The following SYN3 variants were observed in gnomAD, a reference collection of about 807,000 sequenced individuals.
The protein encoded by SYN3 is synapsin III.
A neutral mutation model predicts 65.8 loss-of-function variants in SYN3; 35 were observed. The observed-to-expected ratio is 0.53, with a 90% CI of 0.41 to 0.70. The LOEUF (loss-of-function observed/expected upper bound fraction) is 0.70. Ranked by LOEUF, SYN3 falls within the 30% of genes least tolerant of loss-of-function variation. SYN3 has a pLI of 0.00. For synonymous variants in SYN3, 270 were observed against 292.9 expected (o/e 0.92, Z 0.80); for missense variants, 680 against 749.0 (o/e 0.91, Z 1.08).
At chr22:33,029,987 T>G (rs1313371448) in intron 1 of SYN3, among the ~76,000 whole-genome samples, 3 of 152,174 alleles carry the variant, frequency 2.0e-5, no homozygotes, top group Non-Finnish European at 4.4e-5. Flanking sequence ...TTCAGTTGGC[T>G]GTTTTTGACT....
chr22:32,709,412 C>T (rs1042085637), intron 6 of SYN3, among the ~76,000 whole-genome samples: 1 of 152,132 alleles, frequency 6.6e-6, no homozygotes, highest in African/African-American at 2.4e-5. Context: ...TTAAACAAAA[C>T]CAAACCCAAG....
At chr22:33,027,293 A>C (rs1272940980) in intron 1 of SYN3, among the ~76,000 whole-genome samples, 1 of 152,036 alleles carries the variant, frequency 6.6e-6, no homozygotes, top group African/African-American at 2.4e-5. Context: ...ATTTCCTTTA[A>C]ACAAACAAAA....
chr22:32,780,225 G>C (rs2046006278), intron 6 of SYN3, among the ~76,000 whole-genome samples: 1 of 152,118 alleles, frequency 6.6e-6, no homozygotes, highest in Non-Finnish European at 1.5e-5. Flanking sequence ...CGCCATGTCT[G>C]GTCTGTGCTT....
intron 6 of SYN3, among the ~76,000 whole-genome samples, chr22:32,643,432 T>C (rs182372060): frequency 6.6e-6 from 1 of 151,850 alleles, no homozygotes; most frequent in East Asian, 2.0e-4. Context: ...ACACTTTGCG[T>C]TGCCACCTAA....
intron 6 of SYN3, among the ~76,000 whole-genome samples, chr22:32,810,077 C>A (rs1487667178): frequency 6.6e-6 from 1 of 152,172 alleles, no homozygotes; most frequent in African/African-American, 2.4e-5. Context: ...TGTCTGGCAT[C>A]CAGGGGTACA....
intron 1 of SYN3, among the ~76,000 whole-genome samples, chr22:33,052,384 G>GT (rs376574298): frequency 1.4e-5 from 2 of 147,514 alleles, no homozygotes; most frequent in African/African-American, 5.4e-5. Context: ...CTTCTCTAAA[G>GT]AATCCTCCTC....
At chr22:32,788,966 C>T (rs2046257778) in intron 6 of SYN3, among the ~76,000 whole-genome samples, 1 of 152,188 alleles carries the variant, frequency 6.6e-6, no homozygotes, top group African/African-American at 2.4e-5. Flanking sequence ...TTGCCACATG[C>T]TGCCCCCCCA....
intron 6 of SYN3, among the ~76,000 whole-genome samples, chr22:32,822,908 AAAC>A (rs201183941): frequency 3.7e-3 from 561 of 150,052 alleles, no homozygotes; most frequent in African/African-American, 0.01. Context: ...AATTTGTTAA[AAAC>A]AACAACAACA....
At chr22:32,864,374 G>C (rs1161282107) in intron 6 of SYN3, among the ~76,000 whole-genome samples, 1 of 152,080 alleles carries the variant, frequency 6.6e-6, no homozygotes, top group Non-Finnish European at 1.5e-5. Context: ...CTTCCACCCA[G>C]GTATCCTCCA....
intron 1 of SYN3, among the ~76,000 whole-genome samples, chr22:33,007,585 G>T (rs916073169): frequency 5.9e-5 from 9 of 152,132 alleles, no homozygotes; most frequent in African/African-American, 2.2e-4. Context: ...TATAAGAAAG[G>T]ATGCCAGAGA....
chr22:32,671,851 A>G (rs919113206), intron 6 of SYN3, among the ~76,000 whole-genome samples: 7 of 150,684 alleles, frequency 4.6e-5, no homozygotes, highest in South Asian at 2.1e-4. Context: ...ACAAAGGTGC[A>G]CACACACGCT....
At chr22:32,875,283 G>A (rs1003854187) in intron 4 of SYN3, among the ~76,000 whole-genome samples, 1 of 152,162 alleles carries the variant, frequency 6.6e-6, no homozygotes, top group Non-Finnish European at 1.5e-5. Flanking sequence ...TTGAATCCGA[G>A]GGCCCTCTTT....
chr22:32,757,002 C>T (rs370513600), intron 6 of SYN3, among the ~76,000 whole-genome samples: 1 of 148,770 alleles, frequency 6.7e-6, no homozygotes, highest in East Asian at 2.0e-4. Flanking sequence ...GGAAATGTTT[C>T]AAATAAAGCA....
intron 6 of SYN3, among the ~76,000 whole-genome samples, chr22:32,608,551 A>G (rs1019473471): frequency 1.3e-4 from 20 of 152,262 alleles, no homozygotes; most frequent in Admixed American, 1.3e-3. Context: ...TTGGTATTGC[A>G]TAGAAGAAAT....
At chr22:32,880,551 G>T (rs1017879031) in intron 4 of SYN3, among the ~76,000 whole-genome samples, 9 of 152,126 alleles carry the variant, frequency 5.9e-5, no homozygotes, top group Non-Finnish European at 1.2e-4. Flanking sequence ...GGTGGAGAGG[G>T]TTTACCCTCT....
chr22:32,674,217 C>T (rs1054282430), intron 6 of SYN3, among the ~76,000 whole-genome samples: 4 of 152,136 alleles, frequency 2.6e-5, no homozygotes, highest in Admixed American at 6.5e-5. Flanking sequence ...CTGTGAATTG[C>T]ACCCTTCCAG....
At position 32,975,071 on chromosome 22, in the gene SYN3, G is replaced by C. The variant is rs534360417; in HGVS notation, c.369+5574C>G. 2.6e-5 allele frequency among the ~76,000 whole-genome samples: 4 copies of C among 152,122 alleles called. No homozygotes were observed. The South Asian group carries it at 8.3e-4, about 32-fold the overall frequency. On this transcript the variant is annotated intron_variant, in intron 3 of 13. Coordinates refer to ENST00000358763, the MANE Select transcript of SYN3 (RefSeq NM_003490.4). ...TAGGTCTTTTTCGTTTTTCTCATGT[G>C]ATGTTAACAAGATAGGTCTCCCCAG...
intron 7 of SYN3, among the ~76,000 whole-genome samples, chr22:32,577,384 T>C (rs1010070946): frequency 2.0e-5 from 3 of 152,216 alleles, no homozygotes; most frequent in Non-Finnish European, 2.9e-5. Flanking sequence ...TTTCCTGCTA[T>C]GACAATGTAA....
At chr22:32,573,614 T>C (rs1396385217) in intron 7 of SYN3, among the ~76,000 whole-genome samples, 2 of 152,080 alleles carry the variant, frequency 1.3e-5, no homozygotes, top group Non-Finnish European at 2.9e-5. Context: ...TCAAGTTTCC[T>C]GTAGGATTTC....
Sources: gnomAD v4.1 joint callset for allele counts (sites outside exome capture counted in the v4.1 genomes callset) on GRCh38, gnomAD v4.1.1 for gene constraint, MANE v1.5 for transcripts, NCBI Gene and HGNC (gene_info 2026-07-23, HGNC 2026-07-21) for gene names.